RSPO2: variants seen among roughly 807,000 people sequenced by gnomAD.
RSPO2 encodes R-spondin-2.
A neutral mutation model predicts 30.9 loss-of-function variants in RSPO2; 14 were observed. That is an observed-to-expected ratio of 0.45 (90% CI 0.30 to 0.71). The LOEUF (loss-of-function observed/expected upper bound fraction) is 0.71. RSPO2 is among the 30% of genes least tolerant of loss of function. The probability of loss-of-function intolerance (pLI) is 0.08; values close to 1 mark genes in which losing one functional copy is unlikely to be tolerated. For synonymous variants in RSPO2, 107 were observed against 96.4 expected (o/e 1.11, Z -0.64); for missense variants, 264 against 301.9 (o/e 0.87, Z 0.93).
chr8:107,916,284 T>C (rs1486329927), intron 5 of RSPO2, among the ~76,000 whole-genome samples: 4 of 152,130 alleles, frequency 2.6e-5, no homozygotes, highest in East Asian at 1.9e-4. Context: ...AATTGTTCAA[T>C]ATACCTACTT....
intron 2 of RSPO2, among the ~76,000 whole-genome samples, chr8:107,993,683 A>T (rs887063009): frequency 2.0e-5 from 3 of 152,140 alleles, no homozygotes; most frequent in African/African-American, 7.2e-5. Context: ...AACAACAGGA[A>T]TTTATTATCA....
chr8:107,936,771 A>AT (rs1317921381), intron 5 of RSPO2, among the ~76,000 whole-genome samples: 8 of 152,126 alleles, frequency 5.3e-5, no homozygotes, highest in Admixed American at 3.3e-4. Flanking sequence ...TAATGTTGGT[A>AT]TTTTTTCATA....
At chr8:108,075,863 T>C (rs907381742) in intron 2 of RSPO2, among the ~76,000 whole-genome samples, 1 of 152,164 alleles carries the variant, frequency 6.6e-6, no homozygotes, top group Non-Finnish European at 1.5e-5. Context: ...CAATGACTTT[T>C]TGTTCCACTA....
At position 107,899,366 on chromosome 8, in the gene RSPO2, T is replaced by C. The variant is rs997358313; in HGVS notation, c.*1709A>G. On this transcript the variant is annotated 3_prime_UTR_variant, in exon 6 of 6. Coordinates refer to ENST00000276659, the MANE Select transcript of RSPO2 (RefSeq NM_178565.5). Reference sequence around the variant, plus strand: ...AAAAGAACATCCCAGGAACAACAGGTATTGACTTATTAACGATGAAGCACT... The same window carrying C: ...AAAAGAACATCCCAGGAACAACAGGCATTGACTTATTAACGATGAAGCACT... 4 of 152,588 alleles carry C rather than the reference T, an allele frequency of 2.6e-5. No homozygotes were observed. The highest frequency in any genetic ancestry group is 2.6e-4 in the Admixed American group (4 of 15,268). The allele number at this position is 152,588 out of a possible 1,614,324, so 9.5% of individuals were successfully genotyped here. A position where few individuals can be genotyped will look rare whatever the true frequency, so the allele number is the denominator to read the frequency against.
chr8:107,907,147 AAG>A (rs1811673626), intron 5 of RSPO2, among the ~76,000 whole-genome samples: 1 of 151,988 alleles, frequency 6.6e-6, no homozygotes, highest in African/African-American at 2.4e-5. Flanking sequence ...TAAATAAAAT[AAG>A]AGTTACTTAT....
intron 2 of RSPO2, among the ~76,000 whole-genome samples, chr8:108,040,567 A>G (rs1235850019): frequency 6.6e-6 from 1 of 152,200 alleles, no homozygotes; most frequent in African/African-American, 2.4e-5. Context: ...AACATGAAAT[A>G]TCACACTGAA....
chr8:107,912,413 G>A (rs1312455345), intron 5 of RSPO2, among the ~76,000 whole-genome samples: 2 of 152,132 alleles, frequency 1.3e-5, no homozygotes, highest in Non-Finnish European at 2.9e-5. Flanking sequence ...AATCCCCCAA[G>A]AAGCAAGCAA....
At chr8:107,983,362 A>G in intron 3 of RSPO2, 1 of 1,609,698 alleles carries the variant, frequency 6.2e-7, no homozygotes, top group South Asian at 1.1e-5. Context: ...GGGTGAAGCA[A>G]GATTGAAAGC....
At chr8:107,955,786 C>T (rs902003406) in intron 5 of RSPO2, among the ~76,000 whole-genome samples, 1 of 152,072 alleles carries the variant, frequency 6.6e-6, no homozygotes, top group Non-Finnish European at 1.5e-5. Context: ...TGTGCTGCTG[C>T]TTTAGTGTGA....
At chr8:107,948,828 C>G (rs1813147384) in intron 5 of RSPO2, among the ~76,000 whole-genome samples, 1 of 150,580 alleles carries the variant, frequency 6.6e-6, no homozygotes, top group Admixed American at 6.7e-5. Context: ...CCACTGTGCT[C>G]TAGCCTGGGC....
intron 5 of RSPO2, among the ~76,000 whole-genome samples, chr8:107,951,829 G>T (rs1250457844): frequency 1.3e-5 from 2 of 151,992 alleles, no homozygotes; most frequent in Non-Finnish European, 2.9e-5. Flanking sequence ...CATCCTCCAC[G>T]TTCTGAGTGT....
chr8:107,915,054 A>C lies in RSPO2; in HGVS notation c.617-13864T>G, dbSNP rs546714227. On this transcript the variant is annotated intron_variant, in intron 5 of 5. Transcript: ENST00000276659. ...GGCCACCTGAAAAATTATGGAGACTATGCACAATTTCCCCAAGATGTGTAT... is the reference window on the plus strand; with the variant it reads ...GGCCACCTGAAAAATTATGGAGACTCTGCACAATTTCCCCAAGATGTGTAT... Among the ~76,000 whole-genome samples the C allele has an allele frequency of 2.0e-4, 31 of 152,272 alleles. No individual in the cohort carries two copies. In the South Asian group the frequency reaches 6.4e-3, roughly 32 times the overall value.
intron 3 of RSPO2, among the ~76,000 whole-genome samples, chr8:107,969,687 T>C (rs553944857): frequency 8.5e-5 from 13 of 152,284 alleles, no homozygotes; most frequent in African/African-American, 3.1e-4. Context: ...ATGGTGAAGG[T>C]GTGAAACAGT....
At chr8:108,012,089 A>C (rs1280048994) in intron 2 of RSPO2, among the ~76,000 whole-genome samples, 2 of 152,188 alleles carry the variant, frequency 1.3e-5, no homozygotes, top group Non-Finnish European at 2.9e-5. Flanking sequence ...CAACATCCAA[A>C]TAACTATAGT....
chr8:108,046,043 A>G (rs1811899791), intron 2 of RSPO2, among the ~76,000 whole-genome samples: 2 of 152,200 alleles, frequency 1.3e-5, no homozygotes, highest in Non-Finnish European at 2.9e-5. Flanking sequence ...CCAAAAAGCC[A>G]AGACAGGTAT....
intron 5 of RSPO2, among the ~76,000 whole-genome samples, chr8:107,949,722 T>G (rs550824489): frequency 1.3e-5 from 2 of 152,300 alleles, no homozygotes; most frequent in East Asian, 3.9e-4. Context: ...ACTCAGAATT[T>G]GGGAAGTTGA....
rs550254628 is a variant in RSPO2, at chr8:108,006,308, G to GA, written c.95-17065dup. ...CATGTACAAAAGGATATATTCAGGG[G>GA]AAAAAATAATATCAAAAGAAATGTG... On this transcript the variant is annotated intron_variant, in intron 2 of 5. Coordinates refer to ENST00000276659, the MANE Select transcript of RSPO2 (RefSeq NM_178565.5). Among the ~76,000 whole-genome samples the GA allele has an allele frequency of 2.7e-3, 417 of 151,968 alleles. 2 individuals are homozygous for GA. Among genetic ancestry groups the GA allele is most frequent in the Middle Eastern group, 6.8e-3 (2 of 294 alleles).
At chr8:108,055,036 G>T (rs1812200165) in intron 2 of RSPO2, among the ~76,000 whole-genome samples, 1 of 152,166 alleles carries the variant, frequency 6.6e-6, no homozygotes, top group Non-Finnish European at 1.5e-5. Context: ...TGGGAGGATC[G>T]CTTGAGCCCA....
At chr8:108,045,860 T>C (rs1184892627) in intron 2 of RSPO2, among the ~76,000 whole-genome samples, 2 of 152,196 alleles carry the variant, frequency 1.3e-5, no homozygotes, top group Non-Finnish European at 2.9e-5. Context: ...CACTCCGGAA[T>C]ATATCTCCAA....
Sources: allele counts gnomAD v4.1 joint callset (sites outside exome capture counted in the v4.1 genomes callset), GRCh38; gene constraint gnomAD v4.1.1; transcripts MANE v1.5; gene names NCBI Gene and HGNC (gene_info 2026-07-23, HGNC 2026-07-21).